SHOC2: variants seen among roughly 807,000 people sequenced by gnomAD.
SHOC2 encodes the protein SHOC2 leucine rich repeat scaffold protein.
Under a neutral mutation model 50.2 loss-of-function variants are expected in SHOC2, and 4 were observed. The ratio of observed to expected loss-of-function variants is 0.08; its 90% CI spans 0.04 to 0.18. The LOEUF (loss-of-function observed/expected upper bound fraction) is 0.18. SHOC2 is among the 10% of genes least tolerant of loss of function. The pLI is 1.00. For synonymous variants in SHOC2, 218 were observed against 244.5 expected (o/e 0.89, Z 1.01); for missense variants, 388 against 669.6 (o/e 0.58, Z 4.64).
intron 3 of SHOC2, among the ~76,000 whole-genome samples, chr10:110,995,894 T>C (rs1421509510): frequency 6.6e-6 from 1 of 152,232 alleles, no homozygotes; most frequent in Admixed American, 6.5e-5. Flanking sequence ...ACAGAGATGT[T>C]CCTTCTTTCT....
Position 110,976,755 on chromosome 10 carries a change from A to C in SHOC2, c.704-8873A>C, listed in dbSNP as rs561703434. The stretch of plus-strand genomic sequence containing the variant: ...TGACAAGAAGTCTGCTGTTATTCTG[A>C]TCTTGGAGTTTATAAGCCTCTTGGA... On this transcript the variant is annotated intron_variant, in intron 2 of 8. Transcript: ENST00000369452. Among the ~76,000 whole-genome samples the C allele has an allele frequency of 1.8e-4, 28 of 152,082 alleles. No individual in the cohort carries two copies. In the South Asian group the frequency reaches 5.6e-3, roughly 30 times the overall value.
intron 1 of SHOC2, among the ~76,000 whole-genome samples, chr10:110,947,136 C>T (rs1260528207): frequency 6.6e-6 from 1 of 152,180 alleles, no homozygotes. Context: ...GAGATAGATG[C>T]CCTCCAAGTG....
At chr10:110,928,882 C>T (rs958236048) in intron 1 of SHOC2, among the ~76,000 whole-genome samples, 4 of 152,086 alleles carry the variant, frequency 2.6e-5, no homozygotes, top group Non-Finnish European at 5.9e-5. Context: ...GGAACACATC[C>T]AGACCCTGTC....
At chr10:110,930,765 G>T (rs1846880647) in intron 1 of SHOC2, among the ~76,000 whole-genome samples, 3 of 90,962 alleles carry the variant, frequency 3.3e-5, no homozygotes, top group East Asian at 3.2e-4. Context: ...GTGTTTGTGT[G>T]GCATTTAAAA....
chr10:110,975,194 C>T (rs982160184), intron 2 of SHOC2, among the ~76,000 whole-genome samples: 11 of 149,668 alleles, frequency 7.3e-5, no homozygotes, highest in Middle Eastern at 3.4e-3. Context: ...CTCGCTCTGT[C>T]GCCCAGGCTG....
At chr10:110,965,444 CTT>C (rs765328421) in intron 2 of SHOC2, among the ~76,000 whole-genome samples, 1 of 152,156 alleles carries the variant, frequency 6.6e-6, no homozygotes, top group Non-Finnish European at 1.5e-5. Flanking sequence ...CATTCTCTGA[CTT>C]TTCCACCTTT....
chr10:111,001,883 CA>C (rs2134170632), intron 4 of SHOC2, among the ~76,000 whole-genome samples: 1 of 152,022 alleles, frequency 6.6e-6, no homozygotes, highest in African/African-American at 2.4e-5. Flanking sequence ...ACTAAAAATA[CA>C]AAAAATTAGC....
At chr10:110,968,450 A>G (rs928012087) in intron 2 of SHOC2, among the ~76,000 whole-genome samples, 5 of 152,090 alleles carry the variant, frequency 3.3e-5, no homozygotes, top group African/African-American at 1.2e-4. Context: ...GCAGAAACCC[A>G]TAACAGGGAA....
chr10:110,919,688 C>T (rs1846568449), intron 1 of SHOC2, 31 bp downstream of exon 1: 2 of 398,016 alleles, frequency 5.0e-6, no homozygotes, highest in Non-Finnish European at 4.4e-6. Context: ...CGGAGGGTGT[C>T]TGTTGGTCGG....
intron 1 of SHOC2, among the ~76,000 whole-genome samples, chr10:110,943,144 T>C (rs1847182194): frequency 6.6e-6 from 1 of 152,192 alleles, no homozygotes. Flanking sequence ...AATTGAGATG[T>C]TTTCAACCAT....
At chr10:111,007,389 GA>G (rs1344741560) in intron 5 of SHOC2, 141 bp from the exon 6 acceptor site, 16 of 951,004 alleles carry the variant, frequency 1.7e-5, no homozygotes, top group Non-Finnish European at 2.3e-5. Flanking sequence ...TTCTGTTGCT[GA>G]TTTTTTTTCT....
rs201821340 is a variant in SHOC2 at position 110,985,521 on chromosome 10, C to A, written c.704-107C>A. 2.9e-5 allele frequency: 24 copies of A among 817,384 alleles called. No individual in the cohort carries two copies. In the East Asian group the frequency reaches 6.3e-4, roughly 22 times the overall value. The allele number at this position is 817,384 out of a possible 1,614,324, so 50.6% of individuals were successfully genotyped here. A position where few individuals can be genotyped will look rare whatever the true frequency, so the allele number is the denominator to read the frequency against. On this transcript the variant is annotated intron_variant, in intron 2 of 8. Coordinates refer to ENST00000369452, the MANE Select transcript of SHOC2 (RefSeq NM_007373.4). ...TTGCCTATCTAATAAGGTTATGTTT[C>A]CCGTTGTTTGTGTTCAGAAATTATA...
chr10:110,978,748 T>G (rs543928263), intron 2 of SHOC2, among the ~76,000 whole-genome samples: 1 of 152,320 alleles, frequency 6.6e-6, no homozygotes, highest in South Asian at 2.1e-4. Context: ...CTCTGCTCTT[T>G]GTGATTTCCT....
intron 3 of SHOC2, among the ~76,000 whole-genome samples, chr10:110,991,464 A>C (rs1424331860): frequency 6.6e-6 from 1 of 152,236 alleles, no homozygotes; most frequent in Non-Finnish European, 1.5e-5. Flanking sequence ...CATTAACAAC[A>C]AGAAAATTTT....
chr10:110,950,977 G>T (rs559340805), intron 1 of SHOC2, among the ~76,000 whole-genome samples: 5 of 152,160 alleles, frequency 3.3e-5, no homozygotes, highest in Non-Finnish European at 7.3e-5. Context: ...ATTGGTTGGG[G>T]CAATGATTTT....
chr10:110,920,661 C>T (rs1846620074), intron 1 of SHOC2, among the ~76,000 whole-genome samples: 2 of 152,060 alleles, frequency 1.3e-5, no homozygotes, highest in South Asian at 4.1e-4. Flanking sequence ...GTGTTTAAGC[C>T]CTTACAGTTG....
intron 2 of SHOC2, among the ~76,000 whole-genome samples, chr10:110,984,148 A>G (rs1260403441): frequency 6.6e-6 from 1 of 152,198 alleles, no homozygotes; most frequent in Non-Finnish European, 1.5e-5. Flanking sequence ...CGATTTCTCC[A>G]CATCCTCACT....
intron 1 of SHOC2, among the ~76,000 whole-genome samples, chr10:110,961,827 C>G (rs1327805482): frequency 6.6e-6 from 1 of 151,902 alleles, no homozygotes; most frequent in Admixed American, 6.6e-5. Context: ...CTTGACCCAC[C>G]CATTACCTTC....
intron 1 of SHOC2, among the ~76,000 whole-genome samples, chr10:110,957,233 T>C (rs1378853482): frequency 6.6e-6 from 1 of 152,234 alleles, no homozygotes; most frequent in African/African-American, 2.4e-5. Flanking sequence ...GTTAGAATAG[T>C]GCCCTGAATA....
Sources: allele counts gnomAD v4.1 joint callset (sites outside exome capture counted in the v4.1 genomes callset), GRCh38; gene constraint gnomAD v4.1.1; transcripts MANE v1.5; gene names NCBI Gene and HGNC (gene_info 2026-07-23, HGNC 2026-07-21).